The following XRCC4 variants were observed in gnomAD, a reference collection of about 807,000 sequenced individuals.
XRCC4 encodes DNA repair protein XRCC4.
In XRCC4, 28 loss-of-function variants were observed where a neutral mutation model predicts 39.1. The observed-to-expected ratio is 0.72, with a 90% CI of 0.53 to 0.98. The LOEUF (loss-of-function observed/expected upper bound fraction) is 0.98. Among genes scored for constraint, XRCC4 ranks in the 50% least tolerant of loss-of-function variants. The pLI is 0.00. For missense variants in XRCC4, 350 were observed against 376.4 expected (o/e 0.93, Z 0.58); for synonymous variants, 123 against 126.4 (o/e 0.97, Z 0.18).
At chr5:83,114,098 G>T (rs1746588087) in intron 3 of XRCC4, among the ~76,000 whole-genome samples, 1 of 152,168 alleles carries the variant, frequency 6.6e-6, no homozygotes, top group African/African-American at 2.4e-5. Flanking sequence ...CTGCTGGAGT[G>T]ACTGGGATGC....
rs187737130 is a variant in XRCC4 at position 83,125,843 on chromosome 5, T to A, written c.315+14640T>A. On this transcript the variant is annotated intron_variant, in intron 3 of 7. Coordinates refer to ENST00000396027, the MANE Select transcript of XRCC4 (RefSeq NM_003401.5). ...ACTAAATACTAAAAAATTAGCCAGG[T>A]GTGGTGGCGCATTCCTGTAATCCGA... 2.9e-3 allele frequency among the ~76,000 whole-genome samples: 439 copies of A among 152,172 alleles called. 12 individuals are homozygous for A. The East Asian group carries it at 0.073, about 25-fold the overall frequency.
chr5:83,139,785 A>G (rs967249212), intron 3 of XRCC4, among the ~76,000 whole-genome samples: 1 of 152,218 alleles, frequency 6.6e-6, no homozygotes, highest in Non-Finnish European at 1.5e-5. Flanking sequence ...GTATCTACAC[A>G]CACCTAAACA....
intron 3 of XRCC4, among the ~76,000 whole-genome samples, chr5:83,175,865 TC>T (rs1749931000): frequency 6.6e-6 from 1 of 152,068 alleles, no homozygotes; most frequent in Non-Finnish European, 1.5e-5. Context: ...TGCCTTGGCC[TC>T]CCAAAGTGCT....
intron 4 of XRCC4, among the ~76,000 whole-genome samples, chr5:83,201,919 G>A (rs990978346): frequency 5.3e-5 from 8 of 151,926 alleles, no homozygotes; most frequent in African/African-American, 7.2e-5. Context: ...GCAGGTGCCT[G>A]TAATCTCAGC....
intron 3 of XRCC4, among the ~76,000 whole-genome samples, chr5:83,126,173 C>T (rs1747254419): frequency 6.6e-6 from 1 of 151,582 alleles, no homozygotes; most frequent in East Asian, 2.0e-4. Flanking sequence ...TATAGGTTTA[C>T]TTTGAAATCT....
At chr5:83,175,655 C>A (rs1273828883) in intron 3 of XRCC4, among the ~76,000 whole-genome samples, 3 of 152,052 alleles carry the variant, frequency 2.0e-5, no homozygotes, top group African/African-American at 7.2e-5. Context: ...GTCGCCCACA[C>A]TGAAGTGCAG....
At chr5:83,185,395 A>G (rs956824877) in intron 3 of XRCC4, among the ~76,000 whole-genome samples, 2 of 147,552 alleles carry the variant, frequency 1.4e-5, no homozygotes, top group African/African-American at 5.0e-5. Flanking sequence ...TTATTAAGGT[A>G]TGATTGATAT....
At chr5:83,131,919 C>G (rs1361662757) in intron 3 of XRCC4, among the ~76,000 whole-genome samples, 1 of 152,080 alleles carries the variant, frequency 6.6e-6, no homozygotes, top group Non-Finnish European at 1.5e-5. Context: ...TTGATCCTGT[C>G]ATTATGACGT....
chr5:83,239,835 A>G (rs538818239), intron 6 of XRCC4, among the ~76,000 whole-genome samples: 53 of 151,836 alleles, frequency 3.5e-4, no homozygotes, highest in African/African-American at 1.3e-3. Context: ...TCTCAAAAAA[A>G]AAAAAAATAT....
At chr5:83,160,468 A>G (rs558207740) in intron 3 of XRCC4, among the ~76,000 whole-genome samples, 1 of 152,268 alleles carries the variant, frequency 6.6e-6, no homozygotes, top group African/African-American at 2.4e-5. Context: ...GAAATGTTCT[A>G]GGGATTGGTG....
chr5:83,134,077 G>T (rs1331260135), intron 3 of XRCC4, among the ~76,000 whole-genome samples: 1 of 152,230 alleles, frequency 6.6e-6, no homozygotes, highest in Non-Finnish European at 1.5e-5. Flanking sequence ...CTTGATCGGA[G>T]GCTGAATCCC....
chr5:83,159,601 T>C (rs187363910), intron 3 of XRCC4, among the ~76,000 whole-genome samples: 2 of 152,322 alleles, frequency 1.3e-5, no homozygotes, highest in African/African-American at 4.8e-5. Context: ...TTGTTTCACA[T>C]GACCTGTCTT....
At chr5:83,337,973 G>A (rs1288578643) in intron 7 of XRCC4, among the ~76,000 whole-genome samples, 1 of 152,134 alleles carries the variant, frequency 6.6e-6, no homozygotes, top group Non-Finnish European at 1.5e-5. Flanking sequence ...TTTGAATGAT[G>A]ATACTACTAA....
At position 83,077,565 on chromosome 5, in the gene XRCC4, A is replaced by G; in HGVS notation, c.-61A>G. The G allele has an allele frequency of 1.8e-6, 1 of 546,988 alleles. No individual in the cohort carries two copies. The highest frequency in any genetic ancestry group is 3.3e-6 in the Non-Finnish European group (1 of 303,688). 33.9% of individuals were successfully genotyped at this position (546,988 alleles called of 1,614,324 possible). ...TACTCTCATTGGTTGCAAAACCTTG[A>G]TCTGTGAAAGCGGGCGTTTTGGAAG... On this transcript the variant is annotated 5_prime_UTR_variant, in exon 1 of 8. Transcript: ENST00000396027.
chr5:83,236,349 T>C (rs913702313), intron 6 of XRCC4, among the ~76,000 whole-genome samples: 5 of 152,124 alleles, frequency 3.3e-5, no homozygotes, highest in African/African-American at 1.2e-4. Flanking sequence ...AAGAGCATGG[T>C]ACTGTCTCAT....
chr5:83,173,542 G>T (rs1232778942), intron 3 of XRCC4, among the ~76,000 whole-genome samples: 1 of 152,088 alleles, frequency 6.6e-6, no homozygotes, highest in Non-Finnish European at 1.5e-5. Flanking sequence ...AGTCAAGTTA[G>T]ATTTTCTAAA....
At chr5:83,104,685 A>C (rs1046861634) in intron 1 of XRCC4, among the ~76,000 whole-genome samples, 1 of 152,106 alleles carries the variant, frequency 6.6e-6, no homozygotes, top group Non-Finnish European at 1.5e-5. Context: ...TGCTTTTCTC[A>C]TCTGTAAAAA....
chr5:83,333,980 G>T (rs548177134), intron 7 of XRCC4, among the ~76,000 whole-genome samples: 5 of 152,120 alleles, frequency 3.3e-5, no homozygotes, highest in Middle Eastern at 3.4e-3. Context: ...ATATTGGCCA[G>T]GCTGGTCTCG....
intron 1 of XRCC4, 196 bp downstream of exon 1, chr5:83,077,811 TA>T (rs1341523250): frequency 6.2e-6 from 1 of 162,436 alleles, no homozygotes; most frequent in African/African-American, 2.4e-5. Flanking sequence ...TTCTCGGCAT[TA>T]TCCTCAGGGT....
Sources: allele counts gnomAD v4.1 joint callset (sites outside exome capture counted in the v4.1 genomes callset), GRCh38; gene constraint gnomAD v4.1.1; transcripts MANE v1.5; gene names NCBI Gene and HGNC (gene_info 2026-07-23, HGNC 2026-07-21).